ZFP69: variants seen among roughly 807,000 people sequenced by gnomAD.
ZFP69 encodes zinc finger protein 69 homolog.
Under a neutral mutation model 48.9 loss-of-function variants are expected in ZFP69, and 35 were observed. The observed-to-expected ratio is 0.72, with a 90% CI of 0.55 to 0.95. The LOEUF is 0.95. ZFP69 is among the 40% of genes least tolerant of loss of function. The pLI, the probability that ZFP69 is intolerant of heterozygous loss-of-function variation, is 0.00. For missense variants in ZFP69, 557 were observed against 638.4 expected, an observed-to-expected ratio of 0.87 and a Z score of 1.37; for synonymous variants, 193 against 216.8, an observed-to-expected ratio of 0.89 and a Z score of 0.96.
rs987548056 is a variant in ZFP69 at position 40,495,396 on chromosome 1, G to A, written c.918G>A (p.Arg306=). The A allele has an allele frequency of 1.2e-6, 2 of 1,613,922 alleles. No homozygotes were observed. Among genetic ancestry groups the A allele is most frequent in the Admixed American group, 1.7e-5 (1 of 59,998 alleles). ...CTTTCAGATGTAAGGAATGTGGAAGGGCCTTTAGTCAAAGTGCATCCCTCA... is the reference window on the plus strand; with the variant it reads ...CTTTCAGATGTAAGGAATGTGGAAGAGCCTTTAGTCAAAGTGCATCCCTCA... ...EKPFRCKECG[R]AFSQSASLST... Residue 306 remains arginine (R), a synonymous_variant, in exon 6 of 6, where the codon AGG becomes AGA. Coordinates refer to ENST00000372706, the MANE Select transcript of ZFP69 (RefSeq NM_001320179.2).
chr1:40,480,566 T>TAA lies in ZFP69; in HGVS notation c.127+1089_127+1090dup, dbSNP rs58707291. On this transcript the variant is annotated intron_variant, in intron 2 of 5. Transcript: ENST00000372706. ...ACATTTTAGTCTTTTTAAACTGAGT[T>TAA]AAAAAAAAAAAACCATGCAATTTTC... is the stretch of plus-strand genomic sequence containing the variant. Among the ~76,000 whole-genome samples, 13 of 144,894 alleles carry TAA rather than the reference T, an allele frequency of 9.0e-5. No homozygotes were observed. In the East Asian group the frequency reaches 2.6e-3, roughly 29 times the overall value.
In ZFP69 at chr1:40,477,705, A is replaced by C. The variant is rs1289009153; in HGVS notation, c.-516A>C. On this transcript the variant is annotated 5_prime_UTR_variant, in exon 1 of 6. Coordinates refer to ENST00000372706, the MANE Select transcript of ZFP69 (RefSeq NM_001320179.2). The surrounding 1 kb of genome is among the most constrained non-coding windows in gnomAD (Gnocchi z 4.0). ...CGGGCTTCCGAAGGAAGCCGACCTCAACGCTGGACGCTTCTTGGAGAATGA... is the reference window on the plus strand; with the variant it reads ...CGGGCTTCCGAAGGAAGCCGACCTCCACGCTGGACGCTTCTTGGAGAATGA... 6.6e-6 allele frequency: 1 copy of C among 151,888 alleles called. No individual in the cohort carries two copies. The highest frequency in any genetic ancestry group is 6.6e-5 in the Admixed American group (1 of 15,266). The allele number at this position is 151,888 out of a possible 1,614,324, so 9.4% of individuals were successfully genotyped here. A position where few individuals can be genotyped will look rare whatever the true frequency, so the allele number is the denominator to read the frequency against.
chr1:40,494,255 AATTTTTTTTTTTTTTTT>A (rs773614003), intron 5 of ZFP69, among the ~76,000 whole-genome samples: 4,363 of 123,878 alleles, frequency 0.035, 140 homozygotes, highest in Non-Finnish European at 0.054. Flanking sequence ...AAAGATTCAA[AATTTTTTTTTTTTTTTT>A]TTTTTTTTTT....
intron 2 of ZFP69, among the ~76,000 whole-genome samples, chr1:40,480,561 T>G (rs1191488814): frequency 6.7e-6 from 1 of 149,714 alleles, no homozygotes; most frequent in Non-Finnish European, 1.5e-5. Flanking sequence ...CTTTTTAAAC[T>G]GAGTTAAAAA....
intron 2 of ZFP69, 55 bp from the exon 3 acceptor site, chr1:40,481,704 ATTTC>A: frequency 2.1e-6 from 3 of 1,413,464 alleles, no homozygotes; most frequent in East Asian, 2.3e-5. Flanking sequence ...TCTGCAGGCA[ATTTC>A]TTTATTTGGG....
In ZFP69 at chr1:40,477,538, A is replaced by G. The variant is rs1645400910; in HGVS notation, c.-683A>G. 6.6e-6 allele frequency: 1 copy of G among 152,098 alleles called. No individual in the cohort carries two copies. The highest frequency in any genetic ancestry group is 6.5e-5 in the Admixed American group (1 of 15,284). The allele number at this position is 152,098 out of a possible 1,614,324, so 9.4% of individuals were successfully genotyped here. A position where few individuals can be genotyped will look rare whatever the true frequency, so the allele number is the denominator to read the frequency against. ...GTGTATCCTCCCCGGGGTCTGCAAG[A>G]CGCCGGCTCAGGGCATCCCTCCCAT... On this transcript the variant is annotated 5_prime_UTR_variant, in exon 1 of 6. Transcript: ENST00000372706. This position sits in a 1 kb window ranked among gnomAD's most constrained non-coding sequence, Gnocchi z 4.0.
At chr1:40,490,232 G>A (rs1227218312) in intron 5 of ZFP69, among the ~76,000 whole-genome samples, 1 of 152,034 alleles carries the variant, frequency 6.6e-6, no homozygotes, top group Non-Finnish European at 1.5e-5. Flanking sequence ...ACCATGGGGA[G>A]GACACTCATT....
At chr1:40,494,256 A>ATTTTTTT (rs11286167) in intron 5 of ZFP69, among the ~76,000 whole-genome samples, 81 of 52,070 alleles carry the variant, frequency 1.6e-3, no homozygotes, top group African/African-American at 1.9e-3. Context: ...AAGATTCAAA[A>ATTTTTTT]TTTTTTTTTT....
intron 3 of ZFP69, among the ~76,000 whole-genome samples, chr1:40,484,001 G>A (rs1056287148): frequency 6.6e-6 from 1 of 151,958 alleles, no homozygotes; most frequent in African/African-American, 2.4e-5. Flanking sequence ...ACTTGAACCC[G>A]GGAGGCGGAG....
chr1:40,494,301 C>T (rs1344092042), intron 5 of ZFP69, among the ~76,000 whole-genome samples: 66 of 116,382 alleles, frequency 5.7e-4, no homozygotes, highest in Middle Eastern at 8.5e-3. Context: ...CGGAGTCTCG[C>T]TCTGTCGCCC....
chr1:40,485,288 T>C (rs1645484536), intron 3 of ZFP69, among the ~76,000 whole-genome samples: 1 of 152,066 alleles, frequency 6.6e-6, no homozygotes, highest in African/African-American at 2.4e-5. Context: ...CTGTGGAATG[T>C]TACAAATGTA....
chr1:40,481,836 C>T lies in ZFP69; in HGVS notation c.201C>T (p.Leu67=). ...ESLEDEVTPG[L]PTAESQELLT... is the part of the protein sequence containing the mutation. ...TAGAGGATGAAGTGACCCCTGGACT[C>T]CCGACAGCAGAATCCCAGGTGAGTA... Residue 67 remains leucine, a synonymous_variant, in exon 3 of 6, where the codon CTC becomes CTT. Coordinates refer to ENST00000372706, the MANE Select transcript of ZFP69 (RefSeq NM_001320179.2). 1 of 1,612,552 alleles carries T rather than the reference C, an allele frequency of 6.2e-7. No individual in the cohort carries two copies. The highest frequency in any genetic ancestry group is 8.5e-7 in the Non-Finnish European group (1 of 1,178,946).
At chr1:40,494,612 T>G (rs1645607723) in intron 5 of ZFP69, among the ~76,000 whole-genome samples, 5 of 147,104 alleles carry the variant, frequency 3.4e-5, no homozygotes, top group South Asian at 4.2e-4. Context: ...TATTTATAAA[T>G]ATTTTATATA....
rs992774309 is a variant in ZFP69, at chr1:40,489,217, A to G, written c.346+3A>G. ...CTACAGCAACTTGGTGTCAGTGGGT[A>G]AGACTTGGCTATCCATGCATCCAGA... is the stretch of plus-strand genomic sequence containing the variant. On this transcript the variant is annotated splice_donor_region_variant and intron_variant, in intron 4 of 5. Transcript: ENST00000372706. 6 of 1,613,528 alleles carry G rather than the reference A, an allele frequency of 3.7e-6. No homozygotes were observed. The highest frequency in any genetic ancestry group is 1.1e-5 in the South Asian group (1 of 91,058).
chr1:40,479,112 T>C lies in ZFP69; in HGVS notation c.-250T>C, dbSNP rs1293596329. The stretch of plus-strand genomic sequence containing the variant: ...TGCTCCTCTAAAGAGTATGGAGACA[T>C]GAACTCAAACCTAACTAACTGGCTG... On this transcript the variant is annotated 5_prime_UTR_variant, in exon 2 of 6. An upstream start codon of the reference 5' UTR is lost. Coordinates refer to ENST00000372706, the MANE Select transcript of ZFP69 (RefSeq NM_001320179.2). 2.4e-6 allele frequency: 1 copy of C among 411,838 alleles called. No individual in the cohort carries two copies. Among genetic ancestry groups the C allele is most frequent in the Non-Finnish European group, 4.5e-6 (1 of 220,254 alleles). The allele number at this position is 411,838 out of a possible 1,614,324, so 25.5% of individuals were successfully genotyped here.
intron 3 of ZFP69, among the ~76,000 whole-genome samples, chr1:40,484,162 C>T (rs1480067768): frequency 6.6e-6 from 1 of 152,014 alleles, no homozygotes; most frequent in Non-Finnish European, 1.5e-5. Flanking sequence ...TCCTATCTAG[C>T]CTTTGTTTAT....
At chr1:40,490,578 G>A (rs1645557674) in intron 5 of ZFP69, among the ~76,000 whole-genome samples, 2 of 151,990 alleles carry the variant, frequency 1.3e-5, no homozygotes, top group Non-Finnish European at 2.9e-5. Flanking sequence ...GTATCCTAAG[G>A]GCTGCCAATC....
chr1:40,483,122 C>T (rs891072841), intron 3 of ZFP69, among the ~76,000 whole-genome samples: 4 of 151,584 alleles, frequency 2.6e-5, no homozygotes, highest in Admixed American at 6.6e-5. Flanking sequence ...AGTGGAATAC[C>T]GTTTAAAAAG....
intron 3 of ZFP69, among the ~76,000 whole-genome samples, chr1:40,486,545 A>T (rs1645502081): frequency 1.4e-5 from 2 of 144,596 alleles, no homozygotes; most frequent in African/African-American, 5.1e-5. Context: ...CAGCCTCCTG[A>T]GCAGCTGGGG....
Sources: gnomAD v4.1 joint callset for allele counts (sites outside exome capture counted in the v4.1 genomes callset) on GRCh38, gnomAD v4.1.1 for gene constraint, Gnocchi (gnomAD v3.1) non-coding constraint, MANE v1.5 for transcripts, NCBI Gene and HGNC (gene_info 2026-07-23, HGNC 2026-07-21) for gene names.